BDKRB2: variants seen among roughly 807,000 people sequenced by gnomAD.
BDKRB2 encodes the protein bradykinin receptor B2.
In BDKRB2, 6 loss-of-function variants were observed where a neutral mutation model predicts 4.0. The observed-to-expected ratio is 1.49, with a 90% confidence interval of 0.81 to 2.93. The LOEUF is 2.93. BDKRB2 is among the 30% of genes most tolerant of loss of function. The pLI is 0.00. For synonymous variants in BDKRB2, 225 were observed against 215.3 expected (o/e 1.05, Z -0.40); for missense variants, 478 against 520.1 (o/e 0.92, Z 0.79).
At chr14:96,235,347 CAAAAAAAAA>C (rs60409238) in intron 1 of BDKRB2, among the ~76,000 whole-genome samples, 31 of 67,226 alleles carry the variant, frequency 4.6e-4, no homozygotes, top group Non-Finnish European at 6.2e-4. Context: ...GACTCCGTCT[CAAAAAAAAA>C]AAAAAAAAAA....
chr14:96,241,705 C>T lies in BDKRB2; in HGVS notation c.*201C>T. On this transcript the variant is annotated 3_prime_UTR_variant, in exon 3 of 3. Transcript: ENST00000554311. ...GCTGTGAGGATGGGGTGAACTCACGCACAGCCAAGGACTCCAAAATCACAA... is the reference window on the plus strand; with the variant it reads ...GCTGTGAGGATGGGGTGAACTCACGTACAGCCAAGGACTCCAAAATCACAA... The T allele has an allele frequency of 1.2e-6, 1 of 822,654 alleles. No individual in the cohort carries two copies. Among genetic ancestry groups the T allele is most frequent in the African/African-American group, 1.7e-5 (1 of 58,310 alleles). The allele number at this position is 822,654 out of a possible 1,614,324, so 51.0% of individuals were successfully genotyped here.
chr14:96,232,804 C>G (rs949680143), intron 1 of BDKRB2, among the ~76,000 whole-genome samples: 2 of 152,192 alleles, frequency 1.3e-5, no homozygotes, highest in Non-Finnish European at 2.9e-5. Context: ...CAAACTACTT[C>G]CCTTGCTGGG....
chr14:96,231,243 C>T (rs889452202), intron 1 of BDKRB2, among the ~76,000 whole-genome samples: 5 of 152,184 alleles, frequency 3.3e-5, no homozygotes, highest in African/African-American at 1.2e-4. Context: ...CCAGAACATT[C>T]CAGGCCCATA....
At chr14:96,231,500 G>A (rs891437668) in intron 1 of BDKRB2, among the ~76,000 whole-genome samples, 1 of 152,060 alleles carries the variant, frequency 6.6e-6, no homozygotes, top group African/African-American at 2.4e-5. Context: ...ACCCCCTTCC[G>A]CCACCCCCTG....
chr14:96,207,956 T>C (rs1356857898), intron 1 of BDKRB2, among the ~76,000 whole-genome samples: 19 of 152,126 alleles, frequency 1.2e-4, no homozygotes. Context: ...TGAATATCCA[T>C]CTTAGTGTGC....
chr14:96,227,600 CACAT>C (rs1445014187), intron 1 of BDKRB2, among the ~76,000 whole-genome samples: 2 of 152,102 alleles, frequency 1.3e-5, no homozygotes, highest in Admixed American at 1.3e-4. Context: ...CACACACAAA[CACAT>C]GCATGCACAC....
intron 1 of BDKRB2, among the ~76,000 whole-genome samples, chr14:96,228,565 C>T (rs964409138): frequency 6.6e-6 from 1 of 152,198 alleles, no homozygotes; most frequent in South Asian, 2.1e-4. Context: ...CACTTCTTCT[C>T]TTCTCTCCTT....
intron 2 of BDKRB2, chr14:96,240,177 A>G: frequency 1.6e-6 from 2 of 1,276,192 alleles, no homozygotes; most frequent in Non-Finnish European, 2.0e-6. Flanking sequence ...GAGCCTCGAG[A>G]TGAAGAACAT....
rs193275377 is a variant in BDKRB2 at position 96,215,541 on chromosome 14, A to G, written c.-40+10582A>G. On this transcript the variant is annotated intron_variant, in intron 1 of 2. Coordinates refer to ENST00000554311, the MANE Select transcript of BDKRB2 (RefSeq NM_001379692.1). ...GAATTATCCAAATATTAAATGATCTAGAGACAGGTTTGGGAGCCACTAAAC... is the reference window on the plus strand; with the variant it reads ...GAATTATCCAAATATTAAATGATCTGGAGACAGGTTTGGGAGCCACTAAAC... Among the ~76,000 whole-genome samples, 1,193 of 152,060 alleles carry G rather than the reference A, an allele frequency of 7.8e-3. 6 individuals carry two copies. The highest frequency in any genetic ancestry group is 0.013 in the Non-Finnish European group (873 of 68,006).
chr14:96,225,268 G>A (rs1367213546), intron 1 of BDKRB2, among the ~76,000 whole-genome samples: 1 of 152,116 alleles, frequency 6.6e-6, no homozygotes, highest in Admixed American at 6.5e-5. Context: ...CAGAGATGCC[G>A]AGGCATTTAC....
At chr14:96,239,902 A>G in intron 2 of BDKRB2, 1 of 985,840 alleles carries the variant, frequency 1.0e-6, no homozygotes, top group Non-Finnish European at 1.2e-6. Context: ...GGAAGACAGA[A>G]ACTAGGCAGA....
intron 1 of BDKRB2, among the ~76,000 whole-genome samples, chr14:96,219,234 G>A (rs191823488): frequency 8.5e-5 from 13 of 152,082 alleles, no homozygotes; most frequent in Admixed American, 7.8e-4. Context: ...CCCAGGAGGC[G>A]GAAGATGCAG....
At chr14:96,205,999 G>A (rs1322335959) in intron 1 of BDKRB2, among the ~76,000 whole-genome samples, 8 of 152,130 alleles carry the variant, frequency 5.3e-5, no homozygotes, top group Admixed American at 5.2e-4. Flanking sequence ...GGCCTCCCTG[G>A]CCAACCCCGC....
In BDKRB2 at chr14:96,240,949, C is replaced by T. The variant is rs200470118; in HGVS notation, c.621C>T (p.Asn207=). 6.6e-5 allele frequency: 105 copies of T among 1,592,758 alleles called. No homozygotes were observed. The highest frequency in any genetic ancestry group is 8.9e-5 in the East Asian group (4 of 44,746). Reference sequence around the variant, plus strand: ...AGGAGTACAGCGATGAGGGCCACAACGTCACCGCTTGTGTCATCAGCTACC... The same window carrying T: ...AGGAGTACAGCGATGAGGGCCACAATGTCACCGCTTGTGTCATCAGCTACC... ...TMKEYSDEGH[N]VTACVISYPS... is the part of the protein sequence containing the mutation. The change falls in exon 3 of 3, where the codon AAC becomes AAT. Residue 207 remains asparagine (N), a synonymous_variant. Coordinates refer to ENST00000554311, the MANE Select transcript of BDKRB2 (RefSeq NM_001379692.1).
intron 1 of BDKRB2, chr14:96,223,213 C>G: frequency 9.0e-7 from 1 of 1,111,104 alleles, no homozygotes; most frequent in Non-Finnish European, 1.4e-6. Flanking sequence ...CCCTAAAACC[C>G]ATTTGATGTC....
At chr14:96,239,127 C>T in intron 2 of BDKRB2, 1 of 985,508 alleles carries the variant, frequency 1.0e-6, no homozygotes, top group African/African-American at 1.7e-5. Flanking sequence ...ATCAGTGGAC[C>T]TTCCAGAAAG....
chr14:96,222,291 G>A lies in BDKRB2; in HGVS notation c.-39-14778G>A, dbSNP rs117806558. 8.8e-4 allele frequency among the ~76,000 whole-genome samples: 134 copies of A among 152,158 alleles called. 1 individual carries two copies. The highest frequency in any genetic ancestry group is 1.4e-3 in the Admixed American group (22 of 15,298). ...AGCACTTCCCTGCGTTCACCAACTCGGAAGCTCTCCCAATCCTGTCTTTTA... is the reference window on the plus strand; with the variant it reads ...AGCACTTCCCTGCGTTCACCAACTCAGAAGCTCTCCCAATCCTGTCTTTTA... On this transcript the variant is annotated intron_variant, in intron 1 of 2. Transcript: ENST00000554311.
At chr14:96,230,050 C>T (rs1057505480) in intron 1 of BDKRB2, among the ~76,000 whole-genome samples, 10 of 151,752 alleles carry the variant, frequency 6.6e-5, no homozygotes, top group Admixed American at 2.0e-4. Context: ...AGGAGAATGG[C>T]GTGAACCCGG....
chr14:96,216,553 G>A (rs1890420524), intron 1 of BDKRB2, among the ~76,000 whole-genome samples: 1 of 151,864 alleles, frequency 6.6e-6, no homozygotes, highest in Non-Finnish European at 1.5e-5. Flanking sequence ...AACCCGGTGG[G>A]TAGAGGCTAT....
Sources: allele counts gnomAD v4.1 joint callset (sites outside exome capture counted in the v4.1 genomes callset), GRCh38; gene constraint gnomAD v4.1.1; transcripts MANE v1.5; gene names NCBI Gene and HGNC (gene_info 2026-07-23, HGNC 2026-07-21).